The following VPS13B variants were observed in gnomAD, a reference collection of about 807,000 sequenced individuals.
The protein encoded by VPS13B is intermembrane lipid transfer protein VPS13B.
VPS13B carries 285 observed loss-of-function variants against 426.4 expected under a neutral mutation model. The ratio of observed to expected loss-of-function variants is 0.67; its 90% CI spans 0.61 to 0.74. VPS13B has a LOEUF of 0.74. Among genes scored for constraint, VPS13B ranks in the 30% least tolerant of loss-of-function variants. VPS13B has a pLI of 0.00. For missense variants in VPS13B, 4,537 were observed against 4,782.6 expected (o/e 0.95, Z 1.51); for synonymous variants, 1,676 against 1,676.4 (o/e 1.00, Z 0.01).
chr8:99,124,716 C>A (rs190729155), intron 8 of VPS13B, among the ~76,000 whole-genome samples: 1 of 151,872 alleles, frequency 6.6e-6, no homozygotes, highest in Non-Finnish European at 1.5e-5. Context: ...GAAACCCTGT[C>A]TCTACTAAAA....
rs34774482 is a variant in VPS13B at position 99,038,679 on chromosome 8, C to CTT, written c.291+138_291+139dup. 3.1e-3 allele frequency: 518 copies of CTT among 168,432 alleles called. 3 individuals are homozygous for CTT. Among genetic ancestry groups the CTT allele is most frequent in the South Asian group, 4.5e-3 (92 of 20,480 alleles). The allele number at this position is 168,432 out of a possible 1,614,324, so 10.4% of individuals were successfully genotyped here. A position where few individuals can be genotyped will look rare whatever the true frequency, so the allele number is the denominator to read the frequency against. On this transcript the variant is annotated intron_variant, in intron 3 of 61. Transcript: ENST00000357162. ...ACATAAACATATCTTAGCTTATATACTTTTTTTTTTTTTTTTTTTTTTTTT... is the reference window on the plus strand; with the variant it reads ...ACATAAACATATCTTAGCTTATATACTTTTTTTTTTTTTTTTTTTTTTTTTTT...
chr8:99,500,193 G>A (rs568094760), intron 25 of VPS13B, among the ~76,000 whole-genome samples: 6 of 152,170 alleles, frequency 3.9e-5, no homozygotes, highest in South Asian at 2.1e-4. Flanking sequence ...ATTTTAAGGG[G>A]TATTTTGTTC....
At chr8:99,104,614 C>A (rs1024652233) in intron 5 of VPS13B, among the ~76,000 whole-genome samples, 3 of 150,862 alleles carry the variant, frequency 2.0e-5, no homozygotes, top group African/African-American at 7.3e-5. Flanking sequence ...TCTCCCCTGC[C>A]CCTTTCCCTC....
intron 31 of VPS13B, among the ~76,000 whole-genome samples, chr8:99,573,677 G>A (rs1321430388): frequency 3.3e-5 from 5 of 152,184 alleles, no homozygotes; most frequent in African/African-American, 4.8e-5. Context: ...TTTGGTACCA[G>A]TACCATGCTG....
intron 3 of VPS13B, among the ~76,000 whole-genome samples, chr8:99,056,719 G>A (rs911414808): frequency 6.6e-6 from 1 of 152,082 alleles, no homozygotes. Flanking sequence ...AGGTGGCAGG[G>A]GGTGAAATGG....
At chr8:99,212,139 C>T (rs935419333) in intron 17 of VPS13B, among the ~76,000 whole-genome samples, 44 of 152,252 alleles carry the variant, frequency 2.9e-4, no homozygotes, top group African/African-American at 1.0e-3. Flanking sequence ...TTGATCCGCC[C>T]GCCTTGGCGT....
intron 3 of VPS13B, among the ~76,000 whole-genome samples, chr8:99,089,532 A>T (rs536882547): frequency 5.9e-5 from 9 of 152,188 alleles, no homozygotes; most frequent in South Asian, 4.1e-4. Flanking sequence ...CAACGTTAGG[A>T]GGAAGGGGCT....
chr8:99,831,638 C>G (rs1815067485), intron 51 of VPS13B, among the ~76,000 whole-genome samples: 1 of 151,762 alleles, frequency 6.6e-6, no homozygotes, highest in Non-Finnish European at 1.5e-5. Flanking sequence ...AAACATAGAC[C>G]AAAAATATTC....
chr8:99,634,965 A>G (rs946023331), intron 33 of VPS13B, among the ~76,000 whole-genome samples: 4 of 151,996 alleles, frequency 2.6e-5, no homozygotes, highest in South Asian at 2.1e-4. Flanking sequence ...TTAAATTAAT[A>G]CAATTTTCTA....
chr8:99,193,167 G>T, intron 17 of VPS13B, 110 bp downstream of exon 17: 1 of 1,110,280 alleles, frequency 9.0e-7, no homozygotes, highest in Non-Finnish European at 1.3e-6. Flanking sequence ...ATTGTAATAT[G>T]TTTCTTTGAA....
At chr8:99,692,182 A>G (rs1831704961) in intron 35 of VPS13B, among the ~76,000 whole-genome samples, 1 of 148,060 alleles carries the variant, frequency 6.8e-6, no homozygotes, top group Admixed American at 6.8e-5. Flanking sequence ...TCAGCTGTGC[A>G]CCAAGCGGAC....
At chr8:99,206,532 A>G (rs1356495141) in intron 17 of VPS13B, among the ~76,000 whole-genome samples, 2 of 152,204 alleles carry the variant, frequency 1.3e-5, no homozygotes, top group African/African-American at 2.4e-5. Context: ...TGTCGTCAAC[A>G]TTGACTTAGC....
chr8:99,264,492 G>T (rs973005987), intron 17 of VPS13B, among the ~76,000 whole-genome samples: 4 of 152,110 alleles, frequency 2.6e-5, no homozygotes, highest in South Asian at 2.1e-4. Context: ...TGATTGGACT[G>T]TATATAGATT....
At chr8:99,358,298 A>C (rs1812301034) in intron 19 of VPS13B, among the ~76,000 whole-genome samples, 1 of 152,158 alleles carries the variant, frequency 6.6e-6, no homozygotes, top group Admixed American at 6.5e-5. Context: ...TGAGGAACAG[A>C]TTTTGGGCAG....
intron 39 of VPS13B, among the ~76,000 whole-genome samples, chr8:99,737,775 A>G (rs1014571422): frequency 6.6e-6 from 1 of 152,240 alleles, no homozygotes; most frequent in Admixed American, 6.5e-5. Context: ...ATCACTGAGA[A>G]GAGATATTCA....
intron 31 of VPS13B, among the ~76,000 whole-genome samples, chr8:99,561,126 T>C (rs1166721696): frequency 1.3e-5 from 2 of 152,174 alleles, no homozygotes. Context: ...CTCTGTCTAG[T>C]TCCAAAACAT....
At chr8:99,430,617 T>C (rs1211840728) in intron 21 of VPS13B, among the ~76,000 whole-genome samples, 1 of 152,182 alleles carries the variant, frequency 6.6e-6, no homozygotes, top group East Asian at 1.9e-4. Flanking sequence ...TTAAATAATA[T>C]AGGGAGTGGA....
chr8:99,504,130 T>G (rs1821377230), intron 27 of VPS13B, among the ~76,000 whole-genome samples: 1 of 152,152 alleles, frequency 6.6e-6, no homozygotes, highest in Non-Finnish European at 1.5e-5. Flanking sequence ...AGCTCTTGAT[T>G]TCTTAGTTCA....
chr8:99,549,649 C>T lies in VPS13B; in HGVS notation c.4746-6801C>T, dbSNP rs72674646. Among the ~76,000 whole-genome samples, 1,162 of 152,194 alleles carry T rather than the reference C, an allele frequency of 7.6e-3. 6 individuals carry two copies. The highest frequency in any genetic ancestry group is 0.03 in the South Asian group (144 of 4,826). On this transcript the variant is annotated intron_variant, in intron 30 of 61. Coordinates refer to ENST00000357162, the MANE Select transcript of VPS13B (RefSeq NM_152564.5). Reference sequence around the variant, plus strand: ...CAAGGCAAGCCCATCTTGTGGGCTGCACCTCTTCCTCAAACACTGGGCCTC... The same window carrying T: ...CAAGGCAAGCCCATCTTGTGGGCTGTACCTCTTCCTCAAACACTGGGCCTC...
Sources: gnomAD v4.1 joint callset for allele counts (sites outside exome capture counted in the v4.1 genomes callset) on GRCh38, gnomAD v4.1.1 for gene constraint, MANE v1.5 for transcripts, NCBI Gene and HGNC (gene_info 2026-07-23, HGNC 2026-07-21) for gene names.